The following GALK2 variants were observed in gnomAD, a reference collection of about 807,000 sequenced individuals.
GALK2 encodes the protein galactokinase 2, also known as N-acetylgalactosamine kinase.
In GALK2, 36 loss-of-function variants were observed where a neutral mutation model predicts 52.4. That is an observed-to-expected ratio of 0.69 (90% CI 0.53 to 0.91). The LOEUF is 0.91. Among genes scored for constraint, GALK2 ranks in the 40% least tolerant of loss-of-function variants. The pLI, the probability that GALK2 is intolerant of heterozygous loss-of-function variation, is 0.00. For synonymous variants in GALK2, 176 were observed against 199.1 expected (o/e 0.88, Z 0.98); for missense variants, 579 against 559.1 (o/e 1.04, Z -0.36).
chr15:49,325,761 C>T (rs967546094), intron 9 of GALK2, among the ~76,000 whole-genome samples: 3 of 152,180 alleles, frequency 2.0e-5, no homozygotes, highest in African/African-American at 7.2e-5. Context: ...GTGATTGATG[C>T]AATTCAGTCC....
At chr15:49,316,533 A>G (rs942636575) in intron 8 of GALK2, among the ~76,000 whole-genome samples, 9 of 152,198 alleles carry the variant, frequency 5.9e-5, no homozygotes, top group Non-Finnish European at 7.4e-5. Flanking sequence ...GTTAATGGGT[A>G]CAGCACACCA....
chr15:49,203,195 C>T (rs1437904282), intron 2 of GALK2, among the ~76,000 whole-genome samples: 1 of 152,080 alleles, frequency 6.6e-6, no homozygotes, highest in Non-Finnish European at 1.5e-5. Flanking sequence ...GGACTACAGG[C>T]ACGTGCCACC....
At chr15:49,322,174 ATCCTT>A (rs1290956150) in intron 9 of GALK2, among the ~76,000 whole-genome samples, 2 of 152,180 alleles carry the variant, frequency 1.3e-5, no homozygotes, top group Admixed American at 6.5e-5. Flanking sequence ...TTTTTGGAAA[ATCCTT>A]TCTTAATGGC....
chr15:49,313,889 TTA>T (rs2036198165), intron 8 of GALK2, among the ~76,000 whole-genome samples: 1 of 151,974 alleles, frequency 6.6e-6, no homozygotes, highest in Non-Finnish European at 1.5e-5. Context: ...GGCATTGCTC[TTA>T]GCAGAAGATG....
chr15:49,232,390 T>G (rs2090551195), intron 3 of GALK2, among the ~76,000 whole-genome samples: 1 of 152,216 alleles, frequency 6.6e-6, no homozygotes, highest in African/African-American at 2.4e-5. Context: ...TCTTCCTTCT[T>G]AGACCTACAT....
chr15:49,278,804 A>G (rs1191810021), intron 5 of GALK2, among the ~76,000 whole-genome samples: 2 of 152,242 alleles, frequency 1.3e-5, no homozygotes, highest in African/African-American at 4.8e-5. Flanking sequence ...CCGTTATCAC[A>G]CTGCTGTGAA....
At chr15:49,327,214 C>CAGAT (rs1567068584) in intron 9 of GALK2, 1 of 152,198 alleles carries the variant, frequency 6.6e-6, no homozygotes, top group Non-Finnish European at 1.5e-5. Flanking sequence ...TCATCCCAAT[C>CAGAT]AGATATATCT....
chr15:49,220,542 A>G (rs1566950072), intron 3 of GALK2, among the ~76,000 whole-genome samples: 1 of 152,186 alleles, frequency 6.6e-6, no homozygotes, highest in Non-Finnish European at 1.5e-5. Flanking sequence ...TGGAATAAAT[A>G]TGGAGTGCAG....
At chr15:49,171,692 G>A (rs1310256184) in intron 1 of GALK2, among the ~76,000 whole-genome samples, 1 of 151,792 alleles carries the variant, frequency 6.6e-6, no homozygotes, top group South Asian at 2.1e-4. Context: ...AATTAATTAA[G>A]ACACACTGTT....
intron 1 of GALK2, among the ~76,000 whole-genome samples, chr15:49,179,760 C>G (rs2085816167): frequency 6.7e-6 from 1 of 149,720 alleles, no homozygotes; most frequent in Non-Finnish European, 1.5e-5. Context: ...ACAGTATGAT[C>G]TTTGTAGGAG....
chr15:49,243,280 C>CA (rs2141524762), intron 5 of GALK2, among the ~76,000 whole-genome samples: 1 of 152,254 alleles, frequency 6.6e-6, no homozygotes, highest in Non-Finnish European at 1.5e-5. Flanking sequence ...CTGAGAAAGG[C>CA]AGGACGAGAA....
chr15:49,222,772 T>C (rs1179742194), intron 3 of GALK2, among the ~76,000 whole-genome samples: 1 of 152,230 alleles, frequency 6.6e-6, no homozygotes, highest in African/African-American at 2.4e-5. Context: ...ATCTTTTTGA[T>C]GTGCTGTGGG....
At position 49,221,025 on chromosome 15, in the gene GALK2, C is replaced by G. The variant is rs1442566214; in HGVS notation, c.266+3712C>G. Among the ~76,000 whole-genome samples the G allele has an allele frequency of 2.6e-5, 4 of 152,166 alleles. No homozygotes were observed. The East Asian group carries it at 7.7e-4, about 29-fold the overall frequency. On this transcript the variant is annotated intron_variant, in intron 3 of 9. Coordinates refer to ENST00000560031, the MANE Select transcript of GALK2 (RefSeq NM_002044.4). Reference sequence around the variant, plus strand: ...TAGTTTGCAAATATTTTCTCCCATTCAACAGGTTGTCTCCCCACTCTGTTG... The same window carrying G: ...TAGTTTGCAAATATTTTCTCCCATTGAACAGGTTGTCTCCCCACTCTGTTG...
At chr15:49,186,676 C>G (rs929052331) in intron 1 of GALK2, among the ~76,000 whole-genome samples, 1 of 151,682 alleles carries the variant, frequency 6.6e-6, no homozygotes, top group African/African-American at 2.4e-5. Flanking sequence ...GTAGCTGGGA[C>G]TACAGGTGTG....
At chr15:49,166,088 G>T (rs2084812570), upstream of GALK2, among the ~76,000 whole-genome samples, 1 of 151,956 alleles carries the variant, frequency 6.6e-6, no homozygotes. Context: ...ACTGCGCCCG[G>T]CCCAAGATAA....
At position 49,367,462 on chromosome 15, in the gene GALK2, C is replaced by A. The variant is rs768743764; in HGVS notation, c.427-29C>A. 3 of 1,587,934 alleles carry A rather than the reference C, an allele frequency of 1.9e-6. No homozygotes were observed. The East Asian group carries it at 6.8e-5, about 36-fold the overall frequency. ...AAAAAGGATATGGTTCCTGGAATATCTTAGTGAGTTTAATCTTGGTTTTCT... is the reference window on the plus strand; with the variant it reads ...AAAAAGGATATGGTTCCTGGAATATATTAGTGAGTTTAATCTTGGTTTTCT... On this transcript the variant is annotated intron_variant, in intron 3 of 3. Coordinates refer to the GALK2 transcript ENST00000558399.
chr15:49,327,679 G>C (rs1448978040), intron 9 of GALK2: 6 of 273,978 alleles, frequency 2.2e-5, no homozygotes, highest in Non-Finnish European at 4.1e-5. Flanking sequence ...CAATATTACA[G>C]TGGGTTATTG....
At position 49,331,817 on chromosome 15, in the gene GALK2, T is replaced by A; in HGVS notation, c.*3658T>A. On this transcript the variant is annotated 3_prime_UTR_variant, in exon 10 of 10. Coordinates refer to ENST00000560031, the MANE Select transcript of GALK2 (RefSeq NM_002044.4). ...GAACTTCTCAAAGTCCTGTTTCACT[T>A]CATGAGGTTTCTTGGTAGCCTTTGC... The A allele has an allele frequency of 6.2e-7, 1 of 1,611,756 alleles. No homozygotes were observed. The highest frequency in any genetic ancestry group is 8.5e-7 in the Non-Finnish European group (1 of 1,177,910).
At chr15:49,309,995 T>C (rs942779778) in intron 8 of GALK2, among the ~76,000 whole-genome samples, 9 of 152,174 alleles carry the variant, frequency 5.9e-5, no homozygotes, top group African/African-American at 1.7e-4. Flanking sequence ...ATTCCTCCTA[T>C]CTAGCTACAA....
Sources: gnomAD v4.1 joint callset for allele counts (sites outside exome capture counted in the v4.1 genomes callset) on GRCh38, gnomAD v4.1.1 for gene constraint, MANE v1.5 for transcripts, NCBI Gene and HGNC (gene_info 2026-07-23, HGNC 2026-07-21) for gene names.